The following SRBD1 variants were observed in gnomAD, a reference collection of about 807,000 sequenced individuals.
The protein encoded by SRBD1 is S1 RNA-binding domain-containing protein 1.
Under a neutral mutation model 115.3 loss-of-function variants are expected in SRBD1, and 88 were observed. The observed-to-expected ratio is 0.76, with a 90% CI of 0.64 to 0.91. The LOEUF is 0.91. Ranked by LOEUF, SRBD1 falls within the 40% of genes least tolerant of loss-of-function variation. SRBD1 has a pLI of 0.00. For synonymous variants in SRBD1, 509 were observed against 407.7 expected (o/e 1.25, Z -2.99); for missense variants, 1,385 against 1,177.4 (o/e 1.18, Z -2.58).
chr2:45,550,706 A>T (rs2104050391), intron 12 of SRBD1, among the ~76,000 whole-genome samples: 1 of 152,322 alleles, frequency 6.6e-6, no homozygotes, highest in East Asian at 1.9e-4. Context: ...CGGAAATGCA[A>T]AAGAAATGAA....
intron 9 of SRBD1, among the ~76,000 whole-genome samples, chr2:45,569,806 G>T (rs1024926214): frequency 6.6e-6 from 1 of 152,122 alleles, no homozygotes; most frequent in Admixed American, 6.5e-5. Flanking sequence ...ACATACAAAG[G>T]AAGCCAACAG....
chr2:45,483,940 C>T (rs1008330708), intron 15 of SRBD1, among the ~76,000 whole-genome samples: 2 of 151,984 alleles, frequency 1.3e-5, no homozygotes, highest in African/African-American at 2.4e-5. Context: ...TGGAGGTAGA[C>T]TGAAGGTTAC....
At chr2:45,411,307 G>C (rs1667595848) in intron 19 of SRBD1, among the ~76,000 whole-genome samples, 1 of 152,184 alleles carries the variant, frequency 6.6e-6, no homozygotes, top group East Asian at 1.9e-4. Flanking sequence ...GTATAAAAAA[G>C]TTTGGTATTT....
rs534376607 is a variant in SRBD1, at chr2:45,596,372, T to A, written c.648+3077A>T. 4.1e-4 allele frequency among the ~76,000 whole-genome samples: 63 copies of A among 152,344 alleles called. No homozygotes were observed. The South Asian group carries it at 5.2e-3, about 13-fold the overall frequency. On this transcript the variant is annotated intron_variant, in intron 4 of 20. Transcript: ENST00000263736. ...TACAGAACGCATTAGTGAACCCAGA[T>A]ATTCATTCCTAACCAAACATTAAAA...
At chr2:45,573,102 A>T in intron 9 of SRBD1, 105 bp downstream of exon 9, 1 of 1,245,638 alleles carries the variant, frequency 8.0e-7, no homozygotes, top group Non-Finnish European at 1.1e-6. Flanking sequence ...AGAAAAAAGA[A>T]AACAGTTGAC....
At chr2:45,395,525 A>G (rs1218179887) in intron 19 of SRBD1, among the ~76,000 whole-genome samples, 2 of 152,210 alleles carry the variant, frequency 1.3e-5, no homozygotes, top group African/African-American at 4.8e-5. Flanking sequence ...TCTCACACAT[A>G]TAAGCCTGAG....
At chr2:45,592,424 A>G (rs956059170) in intron 4 of SRBD1, among the ~76,000 whole-genome samples, 12 of 152,154 alleles carry the variant, frequency 7.9e-5, no homozygotes, top group African/African-American at 2.9e-4. Context: ...GGGCTGGCCT[A>G]TAAAGTCCTA....
chr2:45,423,609 T>C (rs1411874123), intron 16 of SRBD1, among the ~76,000 whole-genome samples: 3 of 152,062 alleles, frequency 2.0e-5, no homozygotes, highest in Admixed American at 6.5e-5. Flanking sequence ...CATTGGTGAA[T>C]TCTACCAAAC....
chr2:45,547,475 G>C, intron 13 of SRBD1, 47 bp downstream of exon 13: 1 of 1,535,366 alleles, frequency 6.5e-7, no homozygotes, highest in Non-Finnish European at 9.0e-7. Context: ...AGGTATCTCT[G>C]GTTGACTGAG....
intron 5 of SRBD1, among the ~76,000 whole-genome samples, chr2:45,584,253 T>C (rs1050598343): frequency 5.3e-5 from 8 of 152,236 alleles, no homozygotes; most frequent in African/African-American, 1.9e-4. Context: ...TGCATGACAG[T>C]AATCTACTGG....
At chr2:45,503,188 C>T (rs368079430) in intron 14 of SRBD1, among the ~76,000 whole-genome samples, 1 of 149,272 alleles carries the variant, frequency 6.7e-6, no homozygotes, top group Non-Finnish European at 1.5e-5. Flanking sequence ...TAACTGGCAT[C>T]CTAAACATAT....
intron 16 of SRBD1, among the ~76,000 whole-genome samples, chr2:45,453,242 TTGAC>T (rs796914691): frequency 3.4e-5 from 5 of 148,336 alleles, no homozygotes; most frequent in African/African-American, 1.2e-4. Context: ...TATATATACT[TTGAC>T]TGACTTCAAC....
intron 14 of SRBD1, among the ~76,000 whole-genome samples, chr2:45,507,933 C>T (rs1438059046): frequency 1.3e-4 from 19 of 151,798 alleles, no homozygotes; most frequent in Admixed American, 9.2e-4. Flanking sequence ...AAAAAAAGAA[C>T]CAAAATAAAT....
In SRBD1 at chr2:45,388,700, T is replaced by C. The variant is rs1235611332; in HGVS notation, c.*610A>G. 2.0e-5 allele frequency: 3 copies of C among 152,294 alleles called. No homozygotes were observed. The highest frequency in any genetic ancestry group is 6.5e-5 in the Admixed American group (1 of 15,276). 9.4% of individuals were successfully genotyped at this position (152,294 alleles called of 1,614,324 possible). Reference sequence around the variant, plus strand: ...ACAAGTCACTAGCCACAAACATTTATTGTTGGGGTCAATACGTATATCCTT... The same window carrying C: ...ACAAGTCACTAGCCACAAACATTTACTGTTGGGGTCAATACGTATATCCTT... On this transcript the variant is annotated 3_prime_UTR_variant, in exon 21 of 21. Transcript: ENST00000263736.
At chr2:45,429,341 A>G (rs924070341) in intron 16 of SRBD1, among the ~76,000 whole-genome samples, 2 of 152,186 alleles carry the variant, frequency 1.3e-5, no homozygotes, top group Non-Finnish European at 2.9e-5. Context: ...GAAACAACAA[A>G]AAAAGAAAAT....
chr2:45,606,899 G>A (rs1345717286), intron 1 of SRBD1, among the ~76,000 whole-genome samples: 1 of 152,136 alleles, frequency 6.6e-6, no homozygotes, highest in South Asian at 2.1e-4. Context: ...TAATGCCTCT[G>A]GTTCTAACAT....
intron 15 of SRBD1, among the ~76,000 whole-genome samples, chr2:45,485,404 A>T (rs1194043011): frequency 6.6e-6 from 1 of 152,148 alleles, no homozygotes; most frequent in African/African-American, 2.4e-5. Flanking sequence ...TTATCTTAGT[A>T]GGTTTTATCT....
At chr2:45,397,040 T>C (rs1667166680) in intron 19 of SRBD1, among the ~76,000 whole-genome samples, 1 of 152,188 alleles carries the variant, frequency 6.6e-6, no homozygotes, top group East Asian at 1.9e-4. Flanking sequence ...TTGTCTATTT[T>C]TACCCATTAG....
At chr2:45,546,327 A>C in intron 14 of SRBD1, 3 of 985,456 alleles carry the variant, frequency 3.0e-6, no homozygotes, top group Non-Finnish European at 2.4e-6. Context: ...CTTGGCTCTC[A>C]GTTCTGAAGG....
Sources: allele counts gnomAD v4.1 joint callset (sites outside exome capture counted in the v4.1 genomes callset), GRCh38; gene constraint gnomAD v4.1.1; transcripts MANE v1.5; gene names NCBI Gene and HGNC (gene_info 2026-07-23, HGNC 2026-07-21).